NGLY1: variants seen among roughly 807,000 people sequenced by gnomAD.
NGLY1 encodes N-glycanase 1, also known as peptide-N(4)-(N-acetyl-beta-glucosaminyl)asparagine amidase.
A neutral mutation model predicts 84.6 loss-of-function variants in NGLY1; 68 were observed. The observed-to-expected ratio is 0.80, with a 90% CI of 0.66 to 0.98. The LOEUF is 0.98. NGLY1 is among the 50% of genes least tolerant of loss of function. The pLI is 0.00. For synonymous variants in NGLY1, 280 were observed against 275.2 expected (o/e 1.02, Z -0.17); for missense variants, 779 against 770.2 (o/e 1.01, Z -0.14).
chr3:25,733,995 A>T lies in NGLY1; in HGVS notation c.1150-13T>A. The T allele has an allele frequency of 1.2e-6, 2 of 1,610,366 alleles. No homozygotes were observed. Among genetic ancestry groups the T allele is most frequent in the Non-Finnish European group, 1.7e-6 (2 of 1,177,056 alleles). On this transcript the variant is annotated splice_polypyrimidine_tract_variant and intron_variant, in intron 7 of 11. Transcript: ENST00000280700. ...TGACATCAACTACCTGAAACAAATA[A>T]CAGAATACAAATACTTAACAAGATT...
chr3:25,764,095 G>A lies in NGLY1; in HGVS notation c.463C>T (p.Gln155Ter). 1.2e-6 allele frequency: 2 copies of A among 1,614,170 alleles called. No homozygotes were observed. The highest frequency in any genetic ancestry group is 1.7e-6 in the Non-Finnish European group (2 of 1,180,014). ...GAAGCAGATGGTGGATCTGATGACT[G>A]CCCTTGACGGTTCCTTGTGTGCTGG... ...LNQHTRNRQGQSSDPPSASTV... is the reference protein window; with the variant it reads ...LNQHTRNRQG The change falls in exon 3 of 12, where the codon CAG becomes TAG. Residue 155 changes from glutamine (Q) to a stop codon, truncating the protein, a stop_gained. Transcript: ENST00000280700. LOFTEE classifies it high-confidence loss of function.
intron 3 of NGLY1, among the ~76,000 whole-genome samples, chr3:25,763,740 C>T (rs1707423498): frequency 6.6e-6 from 1 of 152,124 alleles, no homozygotes; most frequent in African/African-American, 2.4e-5. Flanking sequence ...TGCTAGCATC[C>T]ACTATCATTA....
rs537654019 is a variant in NGLY1 at position 25,774,691 on chromosome 3, A to G, written c.246+3883T>C. ...TCCAGGCAGTGTACGCAGGGTTGAG[A>G]TTTTGCCCCAGGCTACAAGTCTCCC... On this transcript the variant is annotated intron_variant, in intron 2 of 11. Coordinates refer to ENST00000280700, the MANE Select transcript of NGLY1 (RefSeq NM_018297.4). 2.6e-5 allele frequency among the ~76,000 whole-genome samples: 4 copies of G among 152,086 alleles called. No homozygotes were observed. In the South Asian group the frequency reaches 6.2e-4, roughly 24 times the overall value.
At chr3:25,735,505 G>C (rs913268575) in intron 7 of NGLY1, 1 of 152,446 alleles carries the variant, frequency 6.6e-6, no homozygotes, top group African/African-American at 2.4e-5. Flanking sequence ...CCTATTAAAG[G>C]GGATAAAATT....
chr3:25,786,806 T>C (rs1171095746), upstream of NGLY1, among the ~76,000 whole-genome samples: 3 of 152,260 alleles, frequency 2.0e-5, no homozygotes, highest in South Asian at 2.1e-4. Flanking sequence ...TGCTATGGCA[T>C]TGGTTTTCGC....
intron 1 of NGLY1, among the ~76,000 whole-genome samples, chr3:25,781,848 A>G (rs1429599024): frequency 3.3e-5 from 5 of 152,216 alleles, no homozygotes; most frequent in African/African-American, 1.2e-4. Context: ...AGGCTTCATT[A>G]CAAGGCCACC....
chr3:25,719,279 A>C lies in NGLY1; in HGVS notation c.*181T>G. On this transcript the variant is annotated 3_prime_UTR_variant, in exon 12 of 12. Transcript: ENST00000280700. ...TAGTCACATATGGAAGAAAGGTTTT[A>C]ATTCAATATTTTATTATAGTCCACG... The C allele has an allele frequency of 2.2e-6, 1 of 459,780 alleles. No individual in the cohort carries two copies. The highest frequency in any genetic ancestry group is 3.9e-6 in the Non-Finnish European group (1 of 256,674). 28.5% of individuals were successfully genotyped at this position (459,780 alleles called of 1,614,324 possible).
intron 2 of NGLY1, among the ~76,000 whole-genome samples, chr3:25,769,927 C>T (rs1236266592): frequency 5.3e-5 from 8 of 152,196 alleles, no homozygotes; most frequent in South Asian, 2.1e-4. Flanking sequence ...TTTTATCCCT[C>T]GCACCCTTCC....
intron 11 of NGLY1, 69 bp from the exon 12 acceptor site, chr3:25,719,704 T>C: frequency 7.8e-7 from 1 of 1,285,494 alleles, no homozygotes; most frequent in Non-Finnish European, 1.1e-6. Flanking sequence ...CATTTTGAAA[T>C]GTATTTTATA....
intron 2 of NGLY1, among the ~76,000 whole-genome samples, chr3:25,767,818 A>C (rs935796478): frequency 6.6e-6 from 1 of 152,116 alleles, no homozygotes; most frequent in African/African-American, 2.4e-5. Flanking sequence ...AAATCAAATC[A>C]AGATGGATTA....
intron 2 of NGLY1, among the ~76,000 whole-genome samples, chr3:25,768,380 C>T (rs764538864): frequency 6.7e-6 from 1 of 149,714 alleles, no homozygotes; most frequent in Non-Finnish European, 1.5e-5. Flanking sequence ...AGTGACTGTG[C>T]CACTGCACTC....
At chr3:25,771,050 A>G (rs542572821) in intron 2 of NGLY1, among the ~76,000 whole-genome samples, 2 of 152,154 alleles carry the variant, frequency 1.3e-5, no homozygotes, top group Non-Finnish European at 2.9e-5. Context: ...TTTTCAGTAT[A>G]AGCTCCATCT....
chr3:25,754,726 G>A (rs1376155495), intron 3 of NGLY1, among the ~76,000 whole-genome samples: 1 of 148,518 alleles, frequency 6.7e-6, no homozygotes, highest in Non-Finnish European at 1.5e-5. Flanking sequence ...AAGTTTTGGT[G>A]ACTGTACTAT....
At chr3:25,749,435 C>A in intron 4 of NGLY1, 1 of 1,016,440 alleles carries the variant, frequency 9.8e-7, no homozygotes, top group Non-Finnish European at 1.5e-6. Flanking sequence ...GAAGGAAGCT[C>A]TCTCCTCCTC....
intron 3 of NGLY1, among the ~76,000 whole-genome samples, chr3:25,761,384 T>A (rs193290310): frequency 2.0e-5 from 3 of 152,216 alleles, no homozygotes; most frequent in Admixed American, 1.3e-4. Context: ...TGGAAGGCAA[T>A]GGGTATAAAA....
At chr3:25,755,130 A>G (rs1706973504) in intron 3 of NGLY1, 5 of 1,325,636 alleles carry the variant, frequency 3.8e-6, no homozygotes, top group Non-Finnish European at 4.4e-6. Flanking sequence ...GTTGATGCAG[A>G]TGATGTGAGA....
intron 3 of NGLY1, 42 bp from the exon 4 acceptor site, chr3:25,751,305 T>A: frequency 2.8e-6 from 4 of 1,433,942 alleles, no homozygotes; most frequent in Non-Finnish European, 3.7e-6. Flanking sequence ...TTTCACCATA[T>A]GCTACAAAAA....
At chr3:25,768,254 C>T (rs566576924) in intron 2 of NGLY1, among the ~76,000 whole-genome samples, 1 of 151,220 alleles carries the variant, frequency 6.6e-6, no homozygotes, top group Admixed American at 6.6e-5. Context: ...GAAACCCTGT[C>T]TCTACTAAAA....
intron 2 of NGLY1, among the ~76,000 whole-genome samples, chr3:25,770,542 A>G (rs564509448): frequency 6.6e-6 from 1 of 152,302 alleles, no homozygotes; most frequent in South Asian, 2.1e-4. Flanking sequence ...GTGTGCAAGT[A>G]TCTTCTTCAT....
Sources: gnomAD v4.1 joint callset for allele counts (sites outside exome capture counted in the v4.1 genomes callset) on GRCh38, gnomAD v4.1.1 for gene constraint, MANE v1.5 for transcripts, NCBI Gene and HGNC (gene_info 2026-07-23, HGNC 2026-07-21) for gene names.